Variants in AOPEP observed in about 807,000 individuals in gnomAD.
AOPEP encodes aminopeptidase O (putative).
In AOPEP, 77 loss-of-function variants were observed where a neutral mutation model predicts 98.1. The ratio of observed to expected loss-of-function variants is 0.78; its 90% CI spans 0.65 to 0.95. The LOEUF (loss-of-function observed/expected upper bound fraction) is 0.95, where lower values mean the gene tolerates loss of function less well. Among genes scored for constraint, AOPEP ranks in the 40% least tolerant of loss-of-function variants. The pLI, the probability that AOPEP is intolerant of heterozygous loss-of-function variation, is 0.00. For synonymous variants in AOPEP, 346 were observed against 365.3 expected (o/e 0.95, Z 0.60); for missense variants, 1,024 against 1,024.7 (o/e 1.00, Z 0.01).
At chr9:95,081,313 C>A (rs1587956978) in intron 15 of AOPEP, among the ~76,000 whole-genome samples, 1 of 152,236 alleles carries the variant, frequency 6.6e-6, no homozygotes, top group Non-Finnish European at 1.5e-5. Flanking sequence ...GGGAGACCTT[C>A]ATTGGCCGCC....
intron 13 of AOPEP, among the ~76,000 whole-genome samples, chr9:95,036,378 GA>G (rs538517961): frequency 1.3e-5 from 2 of 152,030 alleles, no homozygotes; most frequent in African/African-American, 2.4e-5. Context: ...TTTGCCTTTG[GA>G]AAAAAAATTC....
intron 2 of AOPEP, among the ~76,000 whole-genome samples, chr9:94,770,407 C>T (rs140202795): frequency 6.6e-5 from 10 of 152,306 alleles, no homozygotes; most frequent in East Asian, 5.8e-4. Context: ...GCAGCTTAGC[C>T]GGTGTCTCTT....
At chr9:95,012,673 G>C (rs550316346) in intron 13 of AOPEP, among the ~76,000 whole-genome samples, 1 of 152,158 alleles carries the variant, frequency 6.6e-6, no homozygotes, top group South Asian at 2.1e-4. Flanking sequence ...ACAGCAGCGT[G>C]TATCGAGTCT....
At chr9:95,125,148 T>C in the AOPEP span, 1,112 of 1,614,224 alleles carry the variant, frequency 6.9e-4, 1 homozygote, top group Non-Finnish European at 7.6e-4. Context: ...ATAGTGGCTA[T>C]GATTTCCAGG....
the AOPEP span, among the ~76,000 whole-genome samples, chr9:95,108,114 C>T: frequency 2.0e-5 from 3 of 152,178 alleles, no homozygotes; most frequent in African/African-American, 4.8e-5. Flanking sequence ...TTCCCATGAC[C>T]GATTTTATGG....
At chr9:95,061,558 T>C (rs2067319826) in intron 14 of AOPEP, among the ~76,000 whole-genome samples, 1 of 152,248 alleles carries the variant, frequency 6.6e-6, no homozygotes, top group African/African-American at 2.4e-5. Context: ...TGAGATGTGC[T>C]GTAAGTATAA....
intron 13 of AOPEP, among the ~76,000 whole-genome samples, chr9:95,043,772 C>T (rs1048242098): frequency 6.6e-6 from 1 of 152,116 alleles, no homozygotes; most frequent in Non-Finnish European, 1.5e-5. Flanking sequence ...TCAAGCAATC[C>T]TCCCACCTCA....
chr9:95,099,066 T>TGAA, the AOPEP span: 3 of 186,998 alleles, frequency 1.6e-5, no homozygotes, highest in Admixed American at 6.2e-5. Flanking sequence ...AGGTGCAAAC[T>TGAA]GAAGTTTTAT....
intron 5 of AOPEP, among the ~76,000 whole-genome samples, chr9:94,819,691 C>T (rs1265256748): frequency 6.6e-6 from 1 of 152,064 alleles, no homozygotes; most frequent in Non-Finnish European, 1.5e-5. Context: ...CCTCCTCAGC[C>T]TCCTGCGTAG....
chr9:94,815,916 T>C (rs982421905), intron 5 of AOPEP, among the ~76,000 whole-genome samples: 2 of 152,146 alleles, frequency 1.3e-5, no homozygotes, highest in Non-Finnish European at 2.9e-5. Context: ...TAATAGGTAT[T>C]TGGGGTCTCA....
chr9:94,734,051 T>A (rs1008013419), intron 1 of AOPEP, among the ~76,000 whole-genome samples: 2 of 152,158 alleles, frequency 1.3e-5, no homozygotes, highest in African/African-American at 4.8e-5. Context: ...CTGAATGCCT[T>A]TTATTTATTT....
intron 9 of AOPEP, among the ~76,000 whole-genome samples, chr9:94,956,948 T>C (rs1009993508): frequency 2.6e-5 from 4 of 152,232 alleles, no homozygotes. Flanking sequence ...TTTTTATTTT[T>C]GTACTGGGTG....
At chr9:94,916,710 T>TAA (rs1554767812) in intron 5 of AOPEP, among the ~76,000 whole-genome samples, 2 of 143,004 alleles carry the variant, frequency 1.4e-5, no homozygotes, top group African/African-American at 5.5e-5. Context: ...AAAAAAAAAA[T>TAA]TAAATAAATA....
chr9:95,058,895 G>A (rs1364437814), intron 13 of AOPEP, among the ~76,000 whole-genome samples: 4 of 152,194 alleles, frequency 2.6e-5, no homozygotes, highest in Admixed American at 6.5e-5. Context: ...ACAGGAGGCT[G>A]AAGGGTGAGA....
chr9:94,874,769 C>T lies in AOPEP; in HGVS notation c.1365-49217C>T, dbSNP rs532573770. On this transcript the variant is annotated intron_variant, in intron 5 of 16. Coordinates refer to ENST00000375315, the MANE Select transcript of AOPEP (RefSeq NM_001193329.3). Reference sequence around the variant, plus strand: ...CATGCTACGACTCAAAAACCAGAGACGGAAATCTCTACATATTTTGAACAG... The same window carrying T: ...CATGCTACGACTCAAAAACCAGAGATGGAAATCTCTACATATTTTGAACAG... 2.6e-5 allele frequency among the ~76,000 whole-genome samples: 4 copies of T among 152,204 alleles called. No homozygotes were observed. In the East Asian group the frequency reaches 5.8e-4, roughly 22 times the overall value.
chr9:94,850,259 T>TTTAAA (rs10630586), intron 5 of AOPEP, among the ~76,000 whole-genome samples: 151,288 of 152,094 alleles, frequency 0.99, 75,245 homozygotes, highest in Middle Eastern at 1. Context: ...AGACATAGAT[T>TTTAAA]TTAAATTATT....
chr9:94,844,426 A>G (rs1311367203), intron 5 of AOPEP, among the ~76,000 whole-genome samples: 3 of 152,230 alleles, frequency 2.0e-5, no homozygotes, highest in South Asian at 4.1e-4. Context: ...GCATGTATAC[A>G]TAGTATAATG....
intron 1 of AOPEP, among the ~76,000 whole-genome samples, chr9:94,747,844 T>G (rs1787873883): frequency 6.6e-6 from 1 of 152,220 alleles, no homozygotes. Context: ...TATGTCAGTT[T>G]GTCCAAACCA....
chr9:95,115,293 A>T, the AOPEP span, among the ~76,000 whole-genome samples: 1 of 152,222 alleles, frequency 6.6e-6, no homozygotes, highest in Non-Finnish European at 1.5e-5. Context: ...TTGCATAAGC[A>T]GCCCCCGCTG....
Sources: gnomAD v4.1 joint callset for allele counts (sites outside exome capture counted in the v4.1 genomes callset) on GRCh38, gnomAD v4.1.1 for gene constraint, MANE v1.5 for transcripts, NCBI Gene and HGNC (gene_info 2026-07-23, HGNC 2026-07-21) for gene names.